LMBRD2: variants seen among roughly 807,000 people sequenced by gnomAD.
LMBRD2 encodes G protein-coupled receptor-associated protein LMBRD2.
LMBRD2 carries 55 observed loss-of-function variants against 94.4 expected under a neutral mutation model. That is an observed-to-expected ratio of 0.58 (90% confidence interval 0.47 to 0.73). The LOEUF is 0.73. Among genes scored for constraint, LMBRD2 ranks in the 30% least tolerant of loss-of-function variants. The pLI is 0.00. For missense variants in LMBRD2, 640 were observed against 831.9 expected, an observed-to-expected ratio of 0.77 and a Z score of 2.84; for synonymous variants, 246 against 272.4, an observed-to-expected ratio of 0.90 and a Z score of 0.95.
At chr5:36,119,888 C>A (rs1743845389) in intron 9 of LMBRD2, among the ~76,000 whole-genome samples, 1 of 152,176 alleles carries the variant, frequency 6.6e-6, no homozygotes, top group Non-Finnish European at 1.5e-5. Flanking sequence ...TTACCTCCAC[C>A]ATTCTCTTCA....
At chr5:36,118,241 C>T (rs1743805150) in intron 9 of LMBRD2, among the ~76,000 whole-genome samples, 1 of 152,142 alleles carries the variant, frequency 6.6e-6, no homozygotes, top group East Asian at 1.9e-4. Flanking sequence ...CTGGCCTATA[C>T]TCCCCAAAAC....
At chr5:36,108,778 C>T in intron 15 of LMBRD2, 139 bp from the exon 16 acceptor site, 1 of 414,112 alleles carries the variant, frequency 2.4e-6, no homozygotes, top group South Asian at 7.8e-5. Context: ...CTTTAAAAAT[C>T]ATAGGTCAAT....
Position 36,109,941 on chromosome 5 carries a change from T to C in LMBRD2, c.1791+4A>G, listed in dbSNP as rs768746379. 2 of 1,595,446 alleles carry C rather than the reference T, an allele frequency of 1.3e-6. No homozygotes were observed. Among genetic ancestry groups the C allele is most frequent in the South Asian group, 1.1e-5 (1 of 90,352 alleles). On this transcript the variant is annotated splice_donor_region_variant and intron_variant, in intron 15 of 17. Transcript: ENST00000296603. ...CAGATTACAGAAATTAATACTGTAC[T>C]TACTCTTCTTCGATTTTCACCTTCT...
At chr5:36,142,406 C>T in intron 3 of LMBRD2, 96 bp downstream of exon 3, 1 of 638,192 alleles carries the variant, frequency 1.6e-6, no homozygotes, top group Admixed American at 2.7e-5. Flanking sequence ...ATGAGGATAA[C>T]TTACATAAAT....
chr5:36,123,936 A>G (rs1402005044), intron 7 of LMBRD2, among the ~76,000 whole-genome samples: 1 of 151,934 alleles, frequency 6.6e-6, no homozygotes, highest in Non-Finnish European at 1.5e-5. Flanking sequence ...GTTTATTTCC[A>G]TCATTGTCAT....
chr5:36,132,482 T>C (rs561877257), intron 6 of LMBRD2, among the ~76,000 whole-genome samples: 1 of 152,062 alleles, frequency 6.6e-6, no homozygotes, highest in East Asian at 1.9e-4. Flanking sequence ...GTTAAAAAGC[T>C]TCTGCACAGC....
Position 36,124,238 on chromosome 5 carries a change from T to C in LMBRD2, c.775A>G (p.Lys259Glu). The C allele has an allele frequency of 6.3e-7, 1 of 1,590,322 alleles. No homozygotes were observed. The highest frequency in any genetic ancestry group is 8.6e-7 in the Non-Finnish European group (1 of 1,160,052). ...EEVRKVNESI[K>E]YNHPLRKCVD... ...CATTTTCTCAATGGGTGATTATACT[T>C]GATGCTTTCATTCACTTTACGAACC... The change falls in exon 7 of 18, where the codon AAG becomes GAG. Residue 259 changes from lysine (K) to glutamate (E), a missense_variant. Transcript: ENST00000296603.
chr5:36,129,323 C>A (rs1744079681), intron 6 of LMBRD2, among the ~76,000 whole-genome samples: 1 of 151,732 alleles, frequency 6.6e-6, no homozygotes. Flanking sequence ...AATCAAACTC[C>A]CTGAGGTCAA....
chr5:36,151,860 A>G lies in LMBRD2; in HGVS notation c.-362T>C, dbSNP rs1744725492. ...GCTCCCGAGAAAGGAAAATCCGTCT[A>G]CAGTCCAGCGGCTGACATTTCCCAG... On this transcript the variant is annotated 5_prime_UTR_variant, in exon 1 of 18. An upstream open reading frame in the 5' UTR loses its in-frame stop. Coordinates refer to ENST00000296603, the MANE Select transcript of LMBRD2 (RefSeq NM_001007527.2). This position sits in a 1 kb window ranked among gnomAD's most constrained non-coding sequence, Gnocchi z 4.7. 1 of 223,560 alleles carries G rather than the reference A, an allele frequency of 4.5e-6. No individual in the cohort carries two copies. The highest frequency in any genetic ancestry group is 9.0e-6 in the Non-Finnish European group (1 of 110,642). 13.8% of individuals were successfully genotyped at this position (223,560 alleles called of 1,614,324 possible).
intron 6 of LMBRD2, among the ~76,000 whole-genome samples, chr5:36,126,703 C>T (rs1451177161): frequency 6.6e-6 from 1 of 152,096 alleles, no homozygotes; most frequent in Admixed American, 6.5e-5. Flanking sequence ...GTAATAGACA[C>T]ACAAATGCAT....
At chr5:36,114,300 C>A in intron 13 of LMBRD2, 124 bp downstream of exon 13, 1 of 1,201,622 alleles carries the variant, frequency 8.3e-7, no homozygotes, top group Non-Finnish European at 1.1e-6. Context: ...TCAAACTATC[C>A]CCAGCTTCTC....
intron 9 of LMBRD2, 80 bp from the exon 10 acceptor site, chr5:36,117,996 A>C (rs567350716): frequency 9.4e-7 from 1 of 1,069,260 alleles, no homozygotes; most frequent in South Asian, 1.7e-5. Context: ...AATAGCTCCT[A>C]ATAAGATACT....
At chr5:36,149,967 A>C (rs1279685115) in intron 1 of LMBRD2, among the ~76,000 whole-genome samples, 2 of 152,230 alleles carry the variant, frequency 1.3e-5, no homozygotes, top group East Asian at 3.9e-4. Context: ...ATCACAATGC[A>C]GTTCTTTATG....
chr5:36,139,261 G>A (rs1744345716), intron 4 of LMBRD2, among the ~76,000 whole-genome samples: 2 of 152,350 alleles, frequency 1.3e-5, no homozygotes, highest in South Asian at 4.1e-4. Context: ...GGGCAGCACT[G>A]ACACCAGCCC....
At chr5:36,120,846 T>C (rs886293457) in intron 9 of LMBRD2, among the ~76,000 whole-genome samples, 4 of 152,204 alleles carry the variant, frequency 2.6e-5, no homozygotes, top group African/African-American at 9.7e-5. Context: ...ACTCTTTTCC[T>C]CAAAACACTT....
rs1021608437 is a variant in LMBRD2 at position 36,101,164 on chromosome 5, T to C, written c.*2882A>G. The C allele has an allele frequency of 6.6e-6, 1 of 152,008 alleles. No homozygotes were observed. Among genetic ancestry groups the C allele is most frequent in the African/African-American group, 2.4e-5 (1 of 41,444 alleles). 9.4% of individuals were successfully genotyped at this position (152,008 alleles called of 1,614,324 possible). ...GATTATTCAAAAGCCCTTGTATTCA[T>C]TTGGTAAGAGAGCAAATTTTAATAA... On this transcript the variant is annotated 3_prime_UTR_variant, in exon 18 of 18. Transcript: ENST00000296603.
intron 15 of LMBRD2, among the ~76,000 whole-genome samples, chr5:36,108,970 G>A (rs919346333): frequency 2.0e-5 from 3 of 152,078 alleles, no homozygotes; most frequent in Admixed American, 6.6e-5. Flanking sequence ...ACTAACAGAC[G>A]TTAACAAGAT....
rs896571998 is a variant in LMBRD2, at chr5:36,151,143, T to C, written c.-58+413A>G. Among the ~76,000 whole-genome samples the C allele has an allele frequency of 6.6e-6, 1 of 152,212 alleles. No individual in the cohort carries two copies. Among genetic ancestry groups the C allele is most frequent in the Non-Finnish European group, 1.5e-5 (1 of 68,048 alleles). On this transcript the variant is annotated intron_variant, in intron 1 of 17. Transcript: ENST00000296603. The surrounding 1 kb of genome is among the most constrained non-coding windows in gnomAD (Gnocchi z 4.7). Reference sequence around the variant, plus strand: ...GCCCCCAAACTCTTCTCAGCAGAGATAGGCTGAAAGCAGCTCGCTTTTAGG... The same window carrying C: ...GCCCCCAAACTCTTCTCAGCAGAGACAGGCTGAAAGCAGCTCGCTTTTAGG...
intron 6 of LMBRD2, among the ~76,000 whole-genome samples, chr5:36,134,368 T>C (rs1239702961): frequency 6.6e-6 from 1 of 152,148 alleles, no homozygotes; most frequent in Non-Finnish European, 1.5e-5. Context: ...GCTGAGTGTT[T>C]AAGAGTCTGG....
Sources: gnomAD v4.1 joint callset for allele counts (sites outside exome capture counted in the v4.1 genomes callset) on GRCh38, gnomAD v4.1.1 for gene constraint, Gnocchi (gnomAD v3.1) non-coding constraint, MANE v1.5 for transcripts, NCBI Gene and HGNC (gene_info 2026-07-23, HGNC 2026-07-21) for gene names.